SLC4A4: variants seen among roughly 807,000 people sequenced by gnomAD.
SLC4A4 encodes the protein electrogenic sodium bicarbonate cotransporter 1.
In SLC4A4, 27 loss-of-function variants were observed where a neutral mutation model predicts 111.5. The observed-to-expected ratio is 0.24, with a 90% CI of 0.18 to 0.33. The LOEUF (loss-of-function observed/expected upper bound fraction) is 0.33. Ranked by LOEUF, SLC4A4 falls within the 10% of genes least tolerant of loss-of-function variation. The pLI is 1.00. For synonymous variants in SLC4A4, 443 were observed against 463.4 expected (o/e 0.96, Z 0.57); for missense variants, 909 against 1,315.5 (o/e 0.69, Z 4.78).
intron 16 of SLC4A4, among the ~76,000 whole-genome samples, chr4:71,517,750 G>A (rs900539585): frequency 2.0e-5 from 3 of 152,194 alleles, no homozygotes; most frequent in African/African-American, 7.2e-5. Flanking sequence ...CTTGCAGAAT[G>A]TCTTTGTCTG....
intron 2 of SLC4A4, among the ~76,000 whole-genome samples, chr4:71,133,712 G>A (rs1743769901): frequency 6.6e-6 from 1 of 152,232 alleles, no homozygotes; most frequent in South Asian, 2.1e-4. Context: ...GTCCTAGGAA[G>A]TGTGACTCAT....
At position 71,312,444 on chromosome 4, in the gene SLC4A4, C is replaced by T. The variant is rs186322170; in HGVS notation, c.254-26926C>T. 6.5e-3 allele frequency among the ~76,000 whole-genome samples: 990 copies of T among 152,236 alleles called. 6 individuals are homozygous for T. The highest frequency in any genetic ancestry group is 0.01 in the Non-Finnish European group (698 of 68,018). ...TTATAAGGCCAGCATCATCCTGATT[C>T]GAAAACCTGGCAGAGACACAACAAG... is the stretch of plus-strand genomic sequence containing the variant. On this transcript the variant is annotated intron_variant, in intron 3 of 25. Transcript: ENST00000264485.
At chr4:71,344,751 A>G (rs1729181303) in intron 4 of SLC4A4, among the ~76,000 whole-genome samples, 1 of 152,084 alleles carries the variant, frequency 6.6e-6, no homozygotes, top group African/African-American at 2.4e-5. Flanking sequence ...ATGGCTAATG[A>G]TTTCCTACAC....
At chr4:71,203,276 A>G (rs1342678317) in intron 1 of SLC4A4, among the ~76,000 whole-genome samples, 1 of 152,202 alleles carries the variant, frequency 6.6e-6, no homozygotes, top group African/African-American at 2.4e-5. Context: ...TTTAATGGGA[A>G]ACAACTCTAT....
intron 6 of SLC4A4, among the ~76,000 whole-genome samples, chr4:71,366,390 A>G (rs371118461): frequency 3.3e-4 from 50 of 151,656 alleles, no homozygotes; most frequent in African/African-American, 1.1e-3. Context: ...AGACACCTTC[A>G]CATGAACAGA....
At chr4:71,455,493 GA>G (rs1310445045) in intron 12 of SLC4A4, among the ~76,000 whole-genome samples, 1 of 151,834 alleles carries the variant, frequency 6.6e-6, no homozygotes, top group Non-Finnish European at 1.5e-5. Flanking sequence ...GATCGTTCAA[GA>G]AAAAAAATGG....
chr4:71,095,483 G>A (rs1221394444), intron 2 of SLC4A4, among the ~76,000 whole-genome samples: 1 of 152,220 alleles, frequency 6.6e-6, no homozygotes, highest in East Asian at 1.9e-4. Context: ...CTAATTAGCT[G>A]CTTCCTGACA....
chr4:71,147,267 C>G (rs553227763), intron 2 of SLC4A4, among the ~76,000 whole-genome samples: 8 of 152,156 alleles, frequency 5.3e-5, no homozygotes, highest in African/African-American at 1.9e-4. Context: ...TCAAATTTCT[C>G]CTCTTAAATT....
intron 6 of SLC4A4, among the ~76,000 whole-genome samples, chr4:71,376,714 G>A (rs1298166779): frequency 6.6e-6 from 1 of 151,652 alleles, no homozygotes; most frequent in African/African-American, 2.4e-5. Context: ...CTGTCTCACT[G>A]CAACCTCCAC....
chr4:71,217,967 G>C (rs940041114), intron 1 of SLC4A4, among the ~76,000 whole-genome samples: 1 of 152,222 alleles, frequency 6.6e-6, no homozygotes, highest in Non-Finnish European at 1.5e-5. Flanking sequence ...AAAACAAATG[G>C]AGAGTGTAGG....
chr4:71,430,573 G>A (rs576276116), intron 7 of SLC4A4, among the ~76,000 whole-genome samples: 1 of 152,114 alleles, frequency 6.6e-6, no homozygotes, highest in East Asian at 1.9e-4. Flanking sequence ...CAAATTAATT[G>A]AAGCCCAAAA....
chr4:71,264,390 A>G (rs1722087439), intron 3 of SLC4A4, among the ~76,000 whole-genome samples: 1 of 152,192 alleles, frequency 6.6e-6, no homozygotes, highest in African/African-American at 2.4e-5. Flanking sequence ...TTTTACCACA[A>G]AGACCACAAG....
intron 1 of SLC4A4, among the ~76,000 whole-genome samples, chr4:71,220,995 T>C (rs1428052435): frequency 6.6e-6 from 1 of 152,238 alleles, no homozygotes; most frequent in East Asian, 1.9e-4. Context: ...CTGGGTTAGT[T>C]TGCTGAGGAT....
At position 71,416,446 on chromosome 4, in the gene SLC4A4, C is replaced by G. The variant is rs559320401; in HGVS notation, c.807+18793C>G. On this transcript the variant is annotated intron_variant, in intron 7 of 25. Transcript: ENST00000264485. ...ATGTGAATGTGCTCCTACTCTTGCT[C>G]TCTCACAAAACATCTTATTGTACTG... Among the ~76,000 whole-genome samples, 8 of 152,320 alleles carry G rather than the reference C, an allele frequency of 5.3e-5. No individual in the cohort carries two copies. In the South Asian group the frequency reaches 1.5e-3, roughly 28 times the overall value.
intron 3 of SLC4A4, among the ~76,000 whole-genome samples, chr4:71,333,701 C>G (rs2148882209): frequency 6.6e-6 from 1 of 152,302 alleles, no homozygotes; most frequent in East Asian, 1.9e-4. Context: ...CTATTTGGTA[C>G]TCTATTCTGC....
Position 71,192,111 on chromosome 4 carries a change from C to CT in SLC4A4, c.-2+4717dup, listed in dbSNP as rs1223132026. Among the ~76,000 whole-genome samples, 6 of 152,028 alleles carry CT rather than the reference C, an allele frequency of 3.9e-5. No homozygotes were observed. In the East Asian group the frequency reaches 9.6e-4, roughly 24 times the overall value. On this transcript the variant is annotated intron_variant, in intron 1 of 25. Coordinates refer to ENST00000264485, the MANE Select transcript of SLC4A4 (RefSeq NM_001098484.3). ...TTATTTAAGAGGAAATTGGTGATTT[C>CT]TTTTTTTAAAGTATATTCACTGATT...
chr4:71,270,762 A>T (rs184328273), intron 3 of SLC4A4, among the ~76,000 whole-genome samples: 1 of 152,306 alleles, frequency 6.6e-6, no homozygotes, highest in African/African-American at 2.4e-5. Flanking sequence ...TTCCCACATT[A>T]TAAGCCCCCT....
chr4:71,188,313 GT>G (rs1038160227), intron 1 of SLC4A4, among the ~76,000 whole-genome samples: 5 of 152,092 alleles, frequency 3.3e-5, no homozygotes, highest in African/African-American at 1.2e-4. Context: ...CTGTAAAACT[GT>G]TTTTTTCTAT....
At chr4:71,519,159 C>A (rs1249488441) in intron 16 of SLC4A4, among the ~76,000 whole-genome samples, 1 of 152,190 alleles carries the variant, frequency 6.6e-6, no homozygotes, top group Non-Finnish European at 1.5e-5. Context: ...ATTTATGTTT[C>A]TGCAGGGCAA....
Sources: allele counts gnomAD v4.1 joint callset (sites outside exome capture counted in the v4.1 genomes callset), GRCh38; gene constraint gnomAD v4.1.1; transcripts MANE v1.5; gene names NCBI Gene and HGNC (gene_info 2026-07-23, HGNC 2026-07-21).